CTNNA2: variants seen among roughly 807,000 people sequenced by gnomAD.
CTNNA2 encodes the protein catenin alpha-2.
In CTNNA2, 42 loss-of-function variants were observed where a neutral mutation model predicts 101.0. That is an observed-to-expected ratio of 0.42 (90% CI 0.32 to 0.54). The LOEUF is 0.54. Among genes scored for constraint, CTNNA2 ranks in the 20% least tolerant of loss-of-function variants. The probability of loss-of-function intolerance (pLI) is 0.14; values close to 1 mark genes in which losing one functional copy is unlikely to be tolerated. For synonymous variants in CTNNA2, 450 were observed against 456.4 expected, an observed-to-expected ratio of 0.99 and a Z score of 0.18; for missense variants, 871 against 1,223.1, an observed-to-expected ratio of 0.71 and a Z score of 4.29.
At chr2:79,210,004 A>G (rs971616467) in intron 2 of CTNNA2, among the ~76,000 whole-genome samples, 5 of 151,528 alleles carry the variant, frequency 3.3e-5, no homozygotes, top group African/African-American at 4.9e-5. Context: ...ATTGGAAATT[A>G]ATGACAGGAA....
Position 80,130,752 on chromosome 2 carries a change from CT to C in CTNNA2, c.1056+220965del, listed in dbSNP as rs1278180007. Among the ~76,000 whole-genome samples the C allele has an allele frequency of 4.3e-3, 624 of 146,090 alleles. 2 individuals are homozygous for C. The highest frequency in any genetic ancestry group is 0.013 in the African/African-American group (499 of 39,842). On this transcript the variant is annotated intron_variant, in intron 7 of 18. Coordinates refer to ENST00000402739, the MANE Select transcript of CTNNA2 (RefSeq NM_001282597.3). The stretch of plus-strand genomic sequence containing the variant: ...GACTGTGTTTGTTATTTCTTGTACT[CT>C]TTTTTTTTTAATTTTCTGATATAAA...
intron 3 of CTNNA2, among the ~76,000 whole-genome samples, chr2:79,361,195 A>G (rs1187350530): frequency 6.6e-6 from 1 of 152,170 alleles, no homozygotes; most frequent in Non-Finnish European, 1.5e-5. Flanking sequence ...AAGAAATGCT[A>G]CCCTTTAATT....
chr2:80,109,562 T>C (rs561503216), intron 7 of CTNNA2, among the ~76,000 whole-genome samples: 1 of 152,286 alleles, frequency 6.6e-6, no homozygotes, highest in East Asian at 1.9e-4. Flanking sequence ...CACTACATTG[T>C]CACTGGGGAG....
intron 4 of CTNNA2, among the ~76,000 whole-genome samples, chr2:79,434,459 T>C (rs1558665824): frequency 6.6e-6 from 1 of 152,184 alleles, no homozygotes; most frequent in African/African-American, 2.4e-5. Context: ...ATAATCTAGC[T>C]GGAGTTCAAA....
intron 2 of CTNNA2, among the ~76,000 whole-genome samples, chr2:79,738,811 C>T (rs1029875637): frequency 3.3e-5 from 5 of 152,236 alleles, no homozygotes; most frequent in South Asian, 2.1e-4. Context: ...GAAAGAGAAA[C>T]GGACATTTTG....
chr2:79,900,529 T>G (rs1267238515), intron 6 of CTNNA2, among the ~76,000 whole-genome samples: 2 of 152,208 alleles, frequency 1.3e-5, no homozygotes, highest in Non-Finnish European at 2.9e-5. Context: ...ATTTCTATAG[T>G]CATGCTCAGT....
chr2:80,233,605 A>G (rs1709379906), intron 7 of CTNNA2, among the ~76,000 whole-genome samples: 1 of 152,176 alleles, frequency 6.6e-6, no homozygotes, highest in Non-Finnish European at 1.5e-5. Context: ...ACAGACTAAA[A>G]CTTAATTATA....
chr2:79,458,949 A>G lies in CTNNA2; in HGVS notation c.-134-46105A>G, dbSNP rs116744084. Among the ~76,000 whole-genome samples, 738 of 152,220 alleles carry G rather than the reference A, an allele frequency of 4.8e-3. 9 individuals are homozygous for G. The highest frequency in any genetic ancestry group is 0.017 in the African/African-American group (695 of 41,558). On this transcript the variant is annotated intron_variant, in intron 4 of 21. Transcript: ENST00000466387. ...TTCTGCTTGGATTACAGCTAATTCA[A>G]ATATAACTATCCTGACACTCCAATT...
chr2:79,425,772 C>A (rs1022576378), intron 4 of CTNNA2, among the ~76,000 whole-genome samples: 2 of 152,136 alleles, frequency 1.3e-5, no homozygotes, highest in Admixed American at 1.3e-4. Flanking sequence ...TTTATGAAAT[C>A]TTACCTCATC....
chr2:79,739,086 C>CT (rs531329093), intron 2 of CTNNA2, among the ~76,000 whole-genome samples: 4,456 of 102,200 alleles, frequency 0.044, 61 homozygotes, highest in African/African-American at 0.063. Flanking sequence ...TTTTTTTTTT[C>CT]TTTTTTTTCC....
chr2:80,238,005 G>A (rs6721948), intron 7 of CTNNA2, among the ~76,000 whole-genome samples: 33,435 of 151,398 alleles, frequency 0.22, 4,409 homozygotes, highest in African/African-American at 0.37. Flanking sequence ...CTCCCCTGAC[G>A]TGTCTCTTAA....
chr2:80,207,160 G>A (rs1052826599), intron 7 of CTNNA2, among the ~76,000 whole-genome samples: 1 of 152,166 alleles, frequency 6.6e-6, no homozygotes, highest in African/African-American at 2.4e-5. Context: ...AGAATAGTTT[G>A]TATATATTTT....
At chr2:80,575,133 C>T (rs1011389510) in intron 13 of CTNNA2, 32 of 152,082 alleles carry the variant, frequency 2.1e-4, no homozygotes. Context: ...ACATAATAAT[C>T]TTTATTTCTT....
chr2:80,306,454 C>CTG (rs1677023077), intron 7 of CTNNA2, among the ~76,000 whole-genome samples: 1 of 95,626 alleles, frequency 1.0e-5, no homozygotes, highest in Non-Finnish European at 2.3e-5. Context: ...CTTTCTTTCT[C>CTG]TCTCTCTCTT....
intron 4 of CTNNA2, among the ~76,000 whole-genome samples, chr2:79,388,658 C>T (rs1040632702): frequency 6.6e-6 from 1 of 152,132 alleles, no homozygotes; most frequent in African/African-American, 2.4e-5. Context: ...TTGCTGGGCT[C>T]CAGACTTTCT....
intron 7 of CTNNA2, among the ~76,000 whole-genome samples, chr2:80,102,949 T>C (rs1700636896): frequency 6.6e-6 from 1 of 152,166 alleles, no homozygotes; most frequent in South Asian, 2.1e-4. Context: ...AATACTGCAA[T>C]GTGACGTGAG....
chr2:80,614,730 G>C (rs546305586), intron 17 of CTNNA2, among the ~76,000 whole-genome samples: 1 of 151,322 alleles, frequency 6.6e-6, no homozygotes, highest in Non-Finnish European at 1.5e-5. Context: ...GCTTTGAGAA[G>C]TGTCTTAAAA....
Position 80,303,809 on chromosome 2 carries a change from A to C in CTNNA2, c.1057-89402A>C, listed in dbSNP as rs1558986167. ...CCAGTATAGACAGAGACCGAGCAGCAGGAAATCCATTAGCGAGAATCTTTC... is the reference window on the plus strand; with the variant it reads ...CCAGTATAGACAGAGACCGAGCAGCCGGAAATCCATTAGCGAGAATCTTTC... On this transcript the variant is annotated intron_variant, in intron 7 of 18. Transcript: ENST00000402739. The surrounding 1 kb of genome is among the most constrained non-coding windows in gnomAD (Gnocchi z 7.7). 1.3e-6 allele frequency: 2 copies of C among 1,510,624 alleles called. No homozygotes were observed. Among genetic ancestry groups the C allele is most frequent in the Non-Finnish European group, 1.8e-6 (2 of 1,129,904 alleles). The allele number at this position is 1,510,624 out of a possible 1,614,324, so 93.6% of individuals were successfully genotyped here.
At chr2:80,227,917 G>C (rs975342802) in intron 7 of CTNNA2, among the ~76,000 whole-genome samples, 2 of 151,936 alleles carry the variant, frequency 1.3e-5, no homozygotes, top group Non-Finnish European at 2.9e-5. Flanking sequence ...GTGTGATCTA[G>C]ATATGGGGAA....
Sources: allele counts gnomAD v4.1 joint callset (sites outside exome capture counted in the v4.1 genomes callset), GRCh38; gene constraint gnomAD v4.1.1; non-coding constraint Gnocchi (gnomAD v3.1); transcripts MANE v1.5; gene names NCBI Gene and HGNC (gene_info 2026-07-23, HGNC 2026-07-21).